The following BBS9 variants were observed in gnomAD, a reference collection of about 807,000 sequenced individuals.
BBS9 encodes Bardet-Biedl syndrome 9, also known as protein PTHB1.
BBS9 carries 89 observed loss-of-function variants against 117.7 expected under a neutral mutation model. That is an observed-to-expected ratio of 0.76 (90% CI 0.64 to 0.90). The LOEUF (loss-of-function observed/expected upper bound fraction) is 0.90. Among genes scored for constraint, BBS9 ranks in the 40% least tolerant of loss-of-function variants. The probability of loss-of-function intolerance (pLI) is 0.00; values close to 1 mark genes in which losing one functional copy is unlikely to be tolerated. For missense variants in BBS9, 982 were observed against 1,042.2 expected, an observed-to-expected ratio of 0.94 and a Z score of 0.80; for synonymous variants, 379 against 370.9, an observed-to-expected ratio of 1.02 and a Z score of -0.25.
intron 5 of BBS9, among the ~76,000 whole-genome samples, chr7:33,210,652 C>T (rs1273581801): frequency 1.3e-5 from 2 of 152,198 alleles, no homozygotes; most frequent in Non-Finnish European, 2.9e-5. Context: ...ATTCTCCTGC[C>T]TCAGCATCCT....
At chr7:33,308,087 T>C (rs1808417077) in intron 9 of BBS9, among the ~76,000 whole-genome samples, 1 of 152,204 alleles carries the variant, frequency 6.6e-6, no homozygotes, top group Non-Finnish European at 1.5e-5. Context: ...AATGAATAGA[T>C]GTCATCTTCT....
At chr7:33,439,325 A>G (rs1443843420) in intron 19 of BBS9, among the ~76,000 whole-genome samples, 3 of 152,068 alleles carry the variant, frequency 2.0e-5, no homozygotes, top group Admixed American at 6.6e-5. Context: ...TACTTTTTGC[A>G]TGTATCAAAT....
chr7:33,202,723 G>A (rs540145523), intron 5 of BBS9, among the ~76,000 whole-genome samples: 2 of 152,068 alleles, frequency 1.3e-5, no homozygotes, highest in African/African-American at 4.8e-5. Flanking sequence ...GCAAGGGGGA[G>A]GTCTGCCCCC....
At chr7:33,450,048 C>G (rs1196054101) in intron 19 of BBS9, among the ~76,000 whole-genome samples, 1 of 152,222 alleles carries the variant, frequency 6.6e-6, no homozygotes, top group African/African-American at 2.4e-5. Flanking sequence ...AGGTCGGCCC[C>G]TGACAACCAC....
chr7:33,219,639 C>T (rs1172930587), intron 5 of BBS9, among the ~76,000 whole-genome samples: 3 of 152,076 alleles, frequency 2.0e-5, no homozygotes, highest in African/African-American at 4.8e-5. Context: ...GTGGACACTC[C>T]GTATCTAGCT....
intron 21 of BBS9, among the ~76,000 whole-genome samples, chr7:33,633,667 T>A (rs1337902074): frequency 6.6e-6 from 1 of 152,168 alleles, no homozygotes; most frequent in African/African-American, 2.4e-5. Flanking sequence ...AGCTTCCTTA[T>A]AAACTATTAA....
intron 19 of BBS9, among the ~76,000 whole-genome samples, chr7:33,412,825 C>A (rs1260525406): frequency 6.6e-6 from 1 of 152,104 alleles, no homozygotes; most frequent in Admixed American, 6.5e-5. Flanking sequence ...TTTTCATGAG[C>A]CTGAATCATA....
At chr7:33,264,073 T>G (rs1000113363) in intron 6 of BBS9, among the ~76,000 whole-genome samples, 1 of 152,090 alleles carries the variant, frequency 6.6e-6, no homozygotes, top group African/African-American at 2.4e-5. Flanking sequence ...CACTGAATAA[T>G]GGACATATGG....
intron 21 of BBS9, among the ~76,000 whole-genome samples, chr7:33,601,655 A>T (rs1863815200): frequency 6.6e-6 from 1 of 152,106 alleles, no homozygotes; most frequent in African/African-American, 2.4e-5. Flanking sequence ...GGCTGGTGTG[A>T]TCTCATTACA....
chr7:33,324,999 A>G (rs546634783), intron 9 of BBS9, among the ~76,000 whole-genome samples: 1 of 152,084 alleles, frequency 6.6e-6, no homozygotes, highest in Non-Finnish European at 1.5e-5. Flanking sequence ...ACCTCCTTGT[A>G]CTTGAATATT....
rs778259630 is a variant in BBS9, at chr7:33,155,634, T to G, written c.264-4T>G. 6.3e-7 allele frequency: 1 copy of G among 1,593,412 alleles called. No individual in the cohort carries two copies. Among genetic ancestry groups the G allele is most frequent in the Admixed American group, 1.7e-5 (1 of 59,784 alleles). On this transcript the variant is annotated splice_region_variant and splice_polypyrimidine_tract_variant and intron_variant, in intron 3 of 22. Transcript: ENST00000242067. ...AAACTTTAAAAACTTTCTCTGTTTT[T>G]CAGAGGTACCGAAATGCTACATTTG... is the stretch of plus-strand genomic sequence containing the variant.
chr7:33,582,511 T>C (rs552540937), intron 21 of BBS9, among the ~76,000 whole-genome samples: 1 of 151,230 alleles, frequency 6.6e-6, no homozygotes, highest in East Asian at 2.0e-4. Context: ...TAGTTATACC[T>C]TGTTTCTACA....
intron 21 of BBS9, among the ~76,000 whole-genome samples, chr7:33,625,071 T>C (rs993064877): frequency 2.0e-5 from 3 of 152,218 alleles, no homozygotes; most frequent in Non-Finnish European, 2.9e-5. Flanking sequence ...TGGAAATTCA[T>C]GTGAAGCAAC....
At chr7:33,274,672 C>T (rs1169958451) in intron 9 of BBS9, among the ~76,000 whole-genome samples, 1 of 152,060 alleles carries the variant, frequency 6.6e-6, no homozygotes, top group East Asian at 1.9e-4. Flanking sequence ...TTCAGTTCTA[C>T]TTATTTATAA....
At chr7:33,476,793 A>G (rs1006542417) in intron 19 of BBS9, among the ~76,000 whole-genome samples, 13 of 152,212 alleles carry the variant, frequency 8.5e-5, no homozygotes, top group Non-Finnish European at 1.5e-4. Context: ...ATATAAACCT[A>G]AAAGATTTCT....
intron 19 of BBS9, among the ~76,000 whole-genome samples, chr7:33,405,450 T>A (rs1303321501): frequency 6.6e-6 from 1 of 152,174 alleles, no homozygotes; most frequent in Non-Finnish European, 1.5e-5. Flanking sequence ...TCTGGTAGAA[T>A]TCGGCTGTGA....
intron 21 of BBS9, among the ~76,000 whole-genome samples, chr7:33,616,478 T>C (rs1039753642): frequency 2.1e-5 from 3 of 141,674 alleles, no homozygotes; most frequent in Non-Finnish European, 3.0e-5. Flanking sequence ...TTATATAATA[T>C]ATGTGTGTGT....
At chr7:33,590,132 A>G (rs567888663) in intron 21 of BBS9, among the ~76,000 whole-genome samples, 1 of 152,248 alleles carries the variant, frequency 6.6e-6, no homozygotes, top group South Asian at 2.1e-4. Flanking sequence ...TAGCCCATTG[A>G]TGGAACCATG....
intron 21 of BBS9, among the ~76,000 whole-genome samples, chr7:33,548,894 A>G (rs1460886746): frequency 1.3e-5 from 2 of 150,782 alleles, no homozygotes; most frequent in Admixed American, 1.3e-4. Flanking sequence ...TCAAGCTACC[A>G]ATGACTTTCT....
Sources: allele counts gnomAD v4.1 joint callset (sites outside exome capture counted in the v4.1 genomes callset), GRCh38; gene constraint gnomAD v4.1.1; transcripts MANE v1.5; gene names NCBI Gene and HGNC (gene_info 2026-07-23, HGNC 2026-07-21).